ZFHX4: variants seen among roughly 807,000 people sequenced by gnomAD.
ZFHX4 encodes zinc finger homeobox protein 4.
Under a neutral mutation model 267.6 loss-of-function variants are expected in ZFHX4, and 56 were observed. The observed-to-expected ratio is 0.21, with a 90% confidence interval of 0.17 to 0.26. The LOEUF is 0.26. ZFHX4 is among the 10% of genes least tolerant of loss of function. ZFHX4 has a pLI of 1.00. For synonymous variants in ZFHX4, 1,778 were observed against 1,665.6 expected, an observed-to-expected ratio of 1.07 and a Z score of -1.64; for missense variants, 4,332 against 4,420.0, an observed-to-expected ratio of 0.98 and a Z score of 0.56.
At chr8:76,813,219 A>C (rs28408829) in intron 4 of ZFHX4, among the ~76,000 whole-genome samples, 5,989 of 152,252 alleles carry the variant, frequency 0.039, 186 homozygotes, top group African/African-American at 0.084. Flanking sequence ...ATTTGAAATA[A>C]ACACTGTTAG....
chr8:76,841,381 T>TG lies in ZFHX4; in HGVS notation c.3395-1268dup, dbSNP rs542522206. Among the ~76,000 whole-genome samples the TG allele has an allele frequency of 1.6e-3, 246 of 152,158 alleles. 1 individual carries two copies. Among genetic ancestry groups the TG allele is most frequent in the Middle Eastern group, 3.4e-3 (1 of 294 alleles). On this transcript the variant is annotated intron_variant, in intron 5 of 10. Coordinates refer to ENST00000651372, the MANE Select transcript of ZFHX4 (RefSeq NM_024721.5). ...CTGTCAGAACGTTATTAATAAAACA[T>TG]GGGGGGTGGAGAGGGCCACGATTTC...
At chr8:76,683,671 AG>A (rs1807614269) in intron 1 of ZFHX4, 2 of 150,912 alleles carry the variant, frequency 1.3e-5, no homozygotes, top group East Asian at 3.9e-4. Flanking sequence ...AGAGAGAGAG[AG>A]AGGGAGAGAA....
At chr8:76,767,212 C>G (rs538963109) in intron 3 of ZFHX4, among the ~76,000 whole-genome samples, 95 of 152,174 alleles carry the variant, frequency 6.2e-4, no homozygotes, top group African/African-American at 2.3e-3. Context: ...ACTCAGTTTT[C>G]TTAACAGTAA....
intron 4 of ZFHX4, among the ~76,000 whole-genome samples, chr8:76,794,782 T>C (rs1333656298): frequency 6.6e-6 from 1 of 152,160 alleles, no homozygotes; most frequent in African/African-American, 2.4e-5. Flanking sequence ...TTAATATATC[T>C]TATGTGATTA....
chr8:76,759,708 T>A (rs1326755466), intron 3 of ZFHX4, among the ~76,000 whole-genome samples: 1 of 152,224 alleles, frequency 6.6e-6, no homozygotes, highest in Admixed American at 6.5e-5. Context: ...CTTTAGTCAT[T>A]TGAGTTTTAA....
chr8:76,765,461 T>C (rs1356933792), intron 3 of ZFHX4, among the ~76,000 whole-genome samples: 1 of 152,150 alleles, frequency 6.6e-6, no homozygotes, highest in Non-Finnish European at 1.5e-5. Flanking sequence ...AATGTAGCTT[T>C]ACTCAAATAT....
At position 76,852,191 on chromosome 8, in the gene ZFHX4, C is replaced by A; in HGVS notation, c.5270C>A (p.Pro1757Gln). 1 of 1,613,854 alleles carries A rather than the reference C, an allele frequency of 6.2e-7. No homozygotes were observed. Among genetic ancestry groups the A allele is most frequent in the Non-Finnish European group, 8.5e-7 (1 of 1,179,846 alleles). Residue 1757 changes from proline to glutamine, a missense_variant, in exon 10 of 11, where the codon CCA (proline) becomes CAA (glutamine). By Grantham distance (76) the Pro-to-Gln change is moderately conservative. Around this residue, in one of 7 missense-constraint regions of ZFHX4, gnomAD observed 1,371 missense variants for 1,423.1 expected, o/e 0.96. Transcript: ENST00000651372. ...EFSLGPDLGL[P>Q]GSATFGMPGM... ...AGCTTGGGGCCAGATTTGGGCTTGC[C>A]AGGCTCTGCCACATTTGGGATGCCT...
chr8:76,856,318 G>A lies in ZFHX4; in HGVS notation c.9379+18G>A, dbSNP rs756710479. 2.5e-6 allele frequency: 4 copies of A among 1,612,696 alleles called. No homozygotes were observed. The highest frequency in any genetic ancestry group is 2.5e-6 in the Non-Finnish European group (3 of 1,179,384). On this transcript the variant is annotated intron_variant, in intron 10 of 10. Transcript: ENST00000651372. ...TTCAAACAGTAAGTCATTTAAAGGA[G>A]ACTCAGTCTAGTTAATTAAGTAGCA...
intron 4 of ZFHX4, among the ~76,000 whole-genome samples, chr8:76,817,513 T>C (rs934367685): frequency 6.6e-6 from 1 of 152,196 alleles, no homozygotes; most frequent in Non-Finnish European, 1.5e-5. Flanking sequence ...TTTGCAATAA[T>C]TGTATACTCT....
intron 3 of ZFHX4, among the ~76,000 whole-genome samples, chr8:76,737,772 T>C (rs2131675514): frequency 6.6e-6 from 1 of 152,316 alleles, no homozygotes; most frequent in South Asian, 2.1e-4. Flanking sequence ...GACAAGCTAA[T>C]TGCAATTGCA....
intron 1 of ZFHX4, among the ~76,000 whole-genome samples, chr8:76,697,133 T>C (rs965939722): frequency 2.0e-5 from 3 of 152,012 alleles, no homozygotes; most frequent in Admixed American, 6.6e-5. Context: ...TTGGTAGCAA[T>C]TGTGAAATAG....
intron 10 of ZFHX4, among the ~76,000 whole-genome samples, chr8:76,858,013 T>C (rs1270419552): frequency 6.6e-6 from 1 of 152,192 alleles, no homozygotes; most frequent in East Asian, 1.9e-4. Context: ...GAAATATCTG[T>C]ACCTTTAATC....
In ZFHX4 at chr8:76,855,988, A is replaced by C. The variant is rs1277873440; in HGVS notation, c.9067A>C (p.Arg3023=). Residue 3023 remains arginine (R), a synonymous_variant, in exon 10 of 11, where the codon AGA becomes CGA. Coordinates refer to ENST00000651372, the MANE Select transcript of ZFHX4 (RefSeq NM_024721.5). Reference sequence around the variant, plus strand: ...GAAGTACTCTGCCCGCTTGTCCATCAGAGATCACATTTTCTCCAAACAGCA... The same window carrying C: ...GAAGTACTCTGCCCGCTTGTCCATCCGAGATCACATTTTCTCCAAACAGCA... ...GVKYSARLSI[R]DHIFSKQHIS... 1 of 1,613,862 alleles carries C rather than the reference A, an allele frequency of 6.2e-7. No individual in the cohort carries two copies. Among genetic ancestry groups the C allele is most frequent in the Non-Finnish European group, 8.5e-7 (1 of 1,179,868 alleles).
chr8:76,731,733 A>G (rs1032722462), intron 3 of ZFHX4, among the ~76,000 whole-genome samples: 1 of 151,984 alleles, frequency 6.6e-6, no homozygotes, highest in Non-Finnish European at 1.5e-5. Flanking sequence ...ATTAGTGTCA[A>G]TATATATTTT....
chr8:76,744,986 G>A (rs894450780), intron 3 of ZFHX4, among the ~76,000 whole-genome samples: 9 of 152,164 alleles, frequency 5.9e-5, no homozygotes, highest in Admixed American at 2.0e-4. Context: ...GCCCAAGTCA[G>A]TGTAGGAATT....
rs1382035413 is a variant in ZFHX4 at position 76,853,112 on chromosome 8, C to T, written c.6191C>T (p.Pro2064Leu). ...PPPPPPPPSA[P>L]PQVQLPVSLD... ...CCCCCACCTCCTCCACCTTCTGCTC[C>T]TCCACAGGTCCAACTGCCGGTTTCT... The change falls in exon 10 of 11, where the codon CCT (proline) becomes CTT (leucine). Residue 2064 changes from proline to leucine, a missense_variant. Coordinates refer to ENST00000651372, the MANE Select transcript of ZFHX4 (RefSeq NM_024721.5). 2.6e-6 allele frequency: 4 copies of T among 1,535,820 alleles called. No individual in the cohort carries two copies. The highest frequency in any genetic ancestry group is 3.5e-6 in the Non-Finnish European group (4 of 1,138,692).
At chr8:76,799,652 G>A (rs1811067799) in intron 4 of ZFHX4, among the ~76,000 whole-genome samples, 1 of 152,160 alleles carries the variant, frequency 6.6e-6, no homozygotes, top group South Asian at 2.1e-4. Flanking sequence ...ACATACTCGA[G>A]TGTTTACTAA....
intron 3 of ZFHX4, among the ~76,000 whole-genome samples, chr8:76,738,681 CCCTCCCT>C (rs1442355075): frequency 2.3e-5 from 3 of 132,876 alleles, no homozygotes; most frequent in Non-Finnish European, 3.2e-5. Context: ...CTCCCTTCCT[CCCTCCCT>C]CCTCCCTCCC....
chr8:76,771,672 T>A (rs935333149), intron 3 of ZFHX4, among the ~76,000 whole-genome samples: 7 of 152,078 alleles, frequency 4.6e-5, no homozygotes, highest in Admixed American at 3.3e-4. Context: ...ACTCCTGATT[T>A]CAAGGTCCCA....
Sources: allele counts gnomAD v4.1 joint callset (sites outside exome capture counted in the v4.1 genomes callset), GRCh38; gene constraint gnomAD v4.1.1; regional missense constraint gnomAD v4.1.1; transcripts MANE v1.5; gene names NCBI Gene and HGNC (gene_info 2026-07-23, HGNC 2026-07-21).